Variants in GNAO1 observed in about 807,000 individuals in gnomAD.
GNAO1 encodes guanine nucleotide-binding protein G(o) subunit alpha.
For missense variants in GNAO1, 166 were observed against 478.7 expected, an observed-to-expected ratio of 0.35 and a Z score of 6.10; for synonymous variants, 164 against 180.7, an observed-to-expected ratio of 0.91 and a Z score of 0.74.
At position 56,272,649 on chromosome 16, in the gene GNAO1, C is replaced by T. The variant is rs189031107; in HGVS notation, c.162-3282C>T. ...GGAGACCTGTATCCTGTTCTTGGCC[C>T]AGGCTCTTACCTGCTGAGAGATATT... On this transcript the variant is annotated intron_variant, in intron 2 of 8. Transcript: ENST00000262493. 1.2e-4 allele frequency among the ~76,000 whole-genome samples: 19 copies of T among 152,334 alleles called. No individual in the cohort carries two copies. In the East Asian group the frequency reaches 3.3e-3, roughly 26 times the overall value.
intron 2 of GNAO1, among the ~76,000 whole-genome samples, chr16:56,228,428 AGT>A (rs202152293): frequency 3.3e-5 from 5 of 150,170 alleles, no homozygotes. Context: ...TATATATGTG[AGT>A]GTGTGTGTAT....
At chr16:56,277,292 C>G (rs2037068797) in intron 3 of GNAO1, among the ~76,000 whole-genome samples, 1 of 152,202 alleles carries the variant, frequency 6.6e-6, no homozygotes, top group African/African-American at 2.4e-5. Flanking sequence ...AAAGGAAGCA[C>G]TTCTTCCTGG....
intron 3 of GNAO1, among the ~76,000 whole-genome samples, chr16:56,321,359 G>T (rs1259970311): frequency 6.6e-6 from 1 of 152,194 alleles, no homozygotes; most frequent in Non-Finnish European, 1.5e-5. Context: ...TATGACTCAG[G>T]TGCCTCCCTC....
intron 3 of GNAO1, among the ~76,000 whole-genome samples, chr16:56,327,058 A>G (rs1453433342): frequency 2.0e-5 from 3 of 152,022 alleles, no homozygotes; most frequent in Non-Finnish European, 2.9e-5. Context: ...TTTCCCCACT[A>G]TGAAGTGGAG....
chr16:56,211,410 G>A (rs1016085684), intron 2 of GNAO1, among the ~76,000 whole-genome samples: 3 of 152,106 alleles, frequency 2.0e-5, no homozygotes, highest in Non-Finnish European at 4.4e-5. Context: ...AGAACTCCCT[G>A]GGCCTCCTAC....
At chr16:56,242,084 G>A (rs185419711) in intron 2 of GNAO1, among the ~76,000 whole-genome samples, 5 of 152,346 alleles carry the variant, frequency 3.3e-5, no homozygotes, top group African/African-American at 1.2e-4. Flanking sequence ...AGTGATAGCA[G>A]AAATGCTAAT....
intron 6 of GNAO1, chr16:56,346,195 C>T: frequency 1.0e-6 from 1 of 985,436 alleles, no homozygotes; most frequent in Non-Finnish European, 1.2e-6. Flanking sequence ...AAATTCTCTC[C>T]CTGTGCATGA....
At chr16:56,337,132 TG>T (rs1472370081) in intron 6 of GNAO1, among the ~76,000 whole-genome samples, 1 of 149,792 alleles carries the variant, frequency 6.7e-6, no homozygotes, top group Non-Finnish European at 1.5e-5. Flanking sequence ...TCCATAAACT[TG>T]GTGGAGTCAC....
intron 2 of GNAO1, among the ~76,000 whole-genome samples, chr16:56,215,807 C>A (rs1469409806): frequency 6.6e-6 from 1 of 152,224 alleles, no homozygotes; most frequent in Non-Finnish European, 1.5e-5. Context: ...TGATATGTAT[C>A]ATTTGTGTGT....
chr16:56,230,148 C>T (rs1418451030), intron 2 of GNAO1, among the ~76,000 whole-genome samples: 1 of 152,100 alleles, frequency 6.6e-6, no homozygotes, highest in Admixed American at 6.5e-5. Context: ...TCAATGAAAG[C>T]TGCTGCTCTG....
intron 4 of GNAO1, among the ~76,000 whole-genome samples, chr16:56,333,478 G>A (rs2037710640): frequency 6.6e-6 from 1 of 152,156 alleles, no homozygotes; most frequent in Non-Finnish European, 1.5e-5. Context: ...CCAAAGTGCT[G>A]GGATTACAGG....
rs76130140 is a variant in GNAO1 at position 56,195,074 on chromosome 16, C to CTT, written c.161+2476_161+2477dup. Among the ~76,000 whole-genome samples the CTT allele has an allele frequency of 1.8e-3, 172 of 93,588 alleles. 2 individuals are homozygous for CTT. The highest frequency in any genetic ancestry group is 4.4e-3 in the African/African-American group (101 of 22,836). The allele number at this position is 93,588 out of a possible 152,430, so 61.4% of individuals were successfully genotyped here. A position where few individuals can be genotyped will look rare whatever the true frequency, so the allele number is the denominator to read the frequency against. ...TTTCTTCTCTTTCCCTTTACTTCTC[C>CTT]TTTTTTTTTTTTTTTTTTTCCAACC... is the stretch of plus-strand genomic sequence containing the variant. On this transcript the variant is annotated intron_variant, in intron 2 of 8. Transcript: ENST00000262493.
chr16:56,312,655 G>A lies in GNAO1; in HGVS notation c.304-15976G>A, dbSNP rs140445651. 5.6e-3 allele frequency among the ~76,000 whole-genome samples: 856 copies of A among 152,342 alleles called. 12 individuals are homozygous for A. The highest frequency in any genetic ancestry group is 0.02 in the African/African-American group (827 of 41,580). The stretch of plus-strand genomic sequence containing the variant: ...CCTACCTGAGGTGGTGGCTGTGGCC[G>A]AAAGGCCCATTCTCACCCATGAGAA... On this transcript the variant is annotated intron_variant, in intron 3 of 8. Transcript: ENST00000262493.
At chr16:56,333,766 T>TG (rs1233140765) in intron 4 of GNAO1, among the ~76,000 whole-genome samples, 3 of 152,256 alleles carry the variant, frequency 2.0e-5, no homozygotes, top group Admixed American at 2.0e-4. Context: ...CTGGAGCAGA[T>TG]GCAGCCTGGG....
chr16:56,194,220 G>C (rs1399410403), intron 2 of GNAO1: 5 of 456,504 alleles, frequency 1.1e-5, no homozygotes, highest in South Asian at 4.6e-5. Context: ...TCTGAGCCAG[G>C]GGTAATTTAG....
intron 2 of GNAO1, among the ~76,000 whole-genome samples, chr16:56,269,819 G>A (rs1169105022): frequency 1.3e-5 from 2 of 152,158 alleles, no homozygotes; most frequent in African/African-American, 2.4e-5. Flanking sequence ...TGTATGTGTT[G>A]GTACATTGTC....
rs562270212 is a variant in GNAO1 at position 56,206,324 on chromosome 16, TAAAAAAAAAAAA to T, written c.161+13718_161+13729del. ...GACAGCGTGAGACTCCATCTCAATT[TAAAAAAAAAAAA>T]AAAAAAAAAGAGGCAGTTAGGAGCC... On this transcript the variant is annotated intron_variant, in intron 2 of 8. Coordinates refer to ENST00000262493, the MANE Select transcript of GNAO1 (RefSeq NM_020988.3). 3.5e-5 allele frequency among the ~76,000 whole-genome samples: 4 copies of T among 113,242 alleles called. 1 individual carries two copies. The highest frequency in any genetic ancestry group is 5.1e-4 in the East Asian group (2 of 3,920). The allele number at this position is 113,242 out of a possible 152,430, so 74.3% of individuals were successfully genotyped here.
chr16:56,270,080 C>T (rs2143507168), intron 2 of GNAO1, among the ~76,000 whole-genome samples: 1 of 152,270 alleles, frequency 6.6e-6, no homozygotes, highest in Non-Finnish European at 1.5e-5. Context: ...CGGGGAGAAC[C>T]AGGGTTTCTC....
At chr16:56,299,384 G>A (rs1486623612) in intron 3 of GNAO1, among the ~76,000 whole-genome samples, 6 of 152,350 alleles carry the variant, frequency 3.9e-5, no homozygotes, top group South Asian at 2.1e-4. Context: ...GATCTGCTGC[G>A]TCTAACTCTC....
Sources: gnomAD v4.1 joint callset for allele counts (sites outside exome capture counted in the v4.1 genomes callset) on GRCh38, gnomAD v4.1.1 for gene constraint, MANE v1.5 for transcripts, NCBI Gene and HGNC (gene_info 2026-07-23, HGNC 2026-07-21) for gene names.